Variants in MON1A observed in about 807,000 individuals in gnomAD.
MON1A encodes the protein vacuolar fusion protein MON1 homolog A.
MON1A carries 29 observed loss-of-function variants against 44.6 expected under a neutral mutation model. The observed-to-expected ratio is 0.65, with a 90% CI of 0.48 to 0.89. MON1A has a LOEUF of 0.89. Among genes scored for constraint, MON1A ranks in the 40% least tolerant of loss-of-function variants. MON1A has a pLI of 0.00. For synonymous variants in MON1A, 275 were observed against 316.4 expected (o/e 0.87, Z 1.39); for missense variants, 615 against 759.6 (o/e 0.81, Z 2.24).
chr3:49,911,533 G>A lies in MON1A; in HGVS notation c.606C>T (p.Ile202=), dbSNP rs1433673184. ...CCTCTCCAGGTGGCTCACCTGCATG[G>A]ATGGAGCGGATGGCGTTCTTGTCTG... ...LEADKNAIRS[I]HADGYKVVFV... is the part of the protein sequence containing the mutation. Residue 202 remains isoleucine (I), a synonymous_variant, in exon 3 of 6, where the codon ATC becomes ATT. Transcript: ENST00000296473. The surrounding 1 kb of genome is among the most constrained non-coding windows in gnomAD (Gnocchi z 5.7). 6.2e-7 allele frequency: 1 copy of A among 1,608,610 alleles called. No homozygotes were observed. Among genetic ancestry groups the A allele is most frequent in the Non-Finnish European group, 8.5e-7 (1 of 1,176,506 alleles).
intron 1 of MON1A, among the ~76,000 whole-genome samples, chr3:49,926,119 C>G (rs1231240481): frequency 6.6e-6 from 1 of 152,208 alleles, no homozygotes; most frequent in Non-Finnish European, 1.5e-5. Flanking sequence ...ACTCCTTCCC[C>G]ATTACTTCTT....
At chr3:49,916,274 T>C (rs564981397) in intron 1 of MON1A, among the ~76,000 whole-genome samples, 1 of 152,314 alleles carries the variant, frequency 6.6e-6, no homozygotes, top group East Asian at 1.9e-4. Context: ...TCACCATCAG[T>C]AGCATTTGTG....
chr3:49,922,465 G>A (rs2083007875), intron 1 of MON1A, among the ~76,000 whole-genome samples: 2 of 146,510 alleles, frequency 1.4e-5, no homozygotes, highest in Middle Eastern at 3.5e-3. Context: ...CTGGGTGACA[G>A]AGCGAGACTC....
At position 49,909,944 on chromosome 3, in the gene MON1A, G is replaced by A. The variant is rs2082854149; in HGVS notation, c.1379+175C>T. On this transcript the variant is annotated intron_variant, in intron 4 of 5. Transcript: ENST00000296473. The surrounding 1 kb of genome is among the most constrained non-coding windows in gnomAD (Gnocchi z 4.0). ...AATAAAGTAGAGAGGGTATGCTCAT[G>A]GGGTGATGGAGAGTCTGGGTCTCTG... The A allele has an allele frequency of 4.3e-6, 3 of 695,224 alleles. No individual in the cohort carries two copies. The Admixed American group carries it at 7.6e-5, about 18-fold the overall frequency. 43.1% of individuals were successfully genotyped at this position (695,224 alleles called of 1,614,324 possible).
intron 1 of MON1A, among the ~76,000 whole-genome samples, chr3:49,922,780 C>T (rs551100901): frequency 1.3e-5 from 2 of 151,328 alleles, no homozygotes; most frequent in African/African-American, 4.9e-5. Flanking sequence ...CTCACCGCAA[C>T]AGTGCGATCT....
At chr3:49,912,281 A>C (rs1575471728) in intron 2 of MON1A, 1 of 377,432 alleles carries the variant, frequency 2.6e-6, no homozygotes, top group South Asian at 6.1e-5. Flanking sequence ...CTCCCACCCC[A>C]CTCCCTTGCC....
intron 2 of MON1A, chr3:49,912,333 C>G (rs1041556570): frequency 7.8e-6 from 2 of 256,890 alleles, no homozygotes; most frequent in Non-Finnish European, 1.5e-5. Flanking sequence ...CTCTCAGATA[C>G]TTTCAACACA....
chr3:49,918,302 A>C (rs1169521366), intron 1 of MON1A, among the ~76,000 whole-genome samples: 1 of 151,762 alleles, frequency 6.6e-6, no homozygotes, highest in Non-Finnish European at 1.5e-5. Context: ...ATGCCACTGC[A>C]CTCCAGCCTG....
In MON1A at chr3:49,910,827, CG is replaced by C. The variant is rs779713392; in HGVS notation, c.670del (p.Arg224ValfsTer21). On this transcript the variant is annotated frameshift_variant, in exon 4 of 6. Coordinates refer to ENST00000296473, the MANE Select transcript of MON1A (RefSeq NM_032355.4). LOFTEE classifies it high-confidence loss of function. The surrounding 1 kb of genome is among the most constrained non-coding windows in gnomAD (Gnocchi z 8.0). ...CAGCTCTTGTGCCGACTGCCGCGTA[CG>C]AGCCACCGCCACTAGCACCAGCGGG... ...RSPLVLVAVARTRQSAQELAQ... is the reference protein window; with the variant it reads ...RSPLVLVAVAXTRQSAQELAQ... 6.2e-7 allele frequency: 1 copy of C among 1,609,996 alleles called. No homozygotes were observed. The highest frequency in any genetic ancestry group is 8.5e-7 in the Non-Finnish European group (1 of 1,177,680).
intron 1 of MON1A, among the ~76,000 whole-genome samples, chr3:49,922,394 C>T (rs1164772519): frequency 6.6e-6 from 1 of 152,066 alleles, no homozygotes; most frequent in South Asian, 2.1e-4. Flanking sequence ...TGAGATCGCA[C>T]CACCGCACTC....
At chr3:49,929,301 G>A (rs2083074827) in intron 1 of MON1A, 1 of 463,596 alleles carries the variant, frequency 2.2e-6, no homozygotes, top group African/African-American at 2.0e-5. Context: ...TTTTTGAGAA[G>A]ACTCTACCGG....
Position 49,909,471 on chromosome 3 carries a change from C to T in MON1A, c.1380-71G>A, listed in dbSNP as rs1388497572. On this transcript the variant is annotated intron_variant, in intron 4 of 5. Transcript: ENST00000296473. This position sits in a 1 kb window ranked among gnomAD's most constrained non-coding sequence, Gnocchi z 4.0. Reference sequence around the variant, plus strand: ...ACTGTCTTCTCTAGAGATTTAGAAACACCTATTCCTATCCAGGAAGACTCT... The same window carrying T: ...ACTGTCTTCTCTAGAGATTTAGAAATACCTATTCCTATCCAGGAAGACTCT... 6.3e-6 allele frequency: 10 copies of T among 1,578,508 alleles called. No individual in the cohort carries two copies. The highest frequency in any genetic ancestry group is 2.7e-5 in the African/African-American group (2 of 73,884).
chr3:49,910,170 G>C lies in MON1A; in HGVS notation c.1328C>G (p.Pro443Arg). The C allele has an allele frequency of 6.2e-7, 1 of 1,611,670 alleles. No homozygotes were observed. The highest frequency in any genetic ancestry group is 8.5e-7 in the Non-Finnish European group (1 of 1,178,034). ...PYYSVAQVGI[P>R]DLRHFLYKSK... ...CTTATAGAGGAAGTGACGCAGGTCA[G>C]GGATGCCCACTTGGGCAACGCTGTA... Residue 443 changes from proline to arginine, a missense_variant, in exon 4 of 6, where the codon CCT (proline) becomes CGT (arginine). Transcript: ENST00000296473. This position sits in a 1 kb window ranked among gnomAD's most constrained non-coding sequence, Gnocchi z 8.0.
Position 49,910,836 on chromosome 3 carries a change from G to A in MON1A, c.662C>T (p.Ala221Val), listed in dbSNP as rs992462093. 15 of 1,613,320 alleles carry A rather than the reference G, an allele frequency of 9.3e-6. No homozygotes were observed. The highest frequency in any genetic ancestry group is 1.3e-5 in the African/African-American group (1 of 74,916). ...TGCCGACTGCCGCGTACGAGCCACCGCCACTAGCACCAGCGGGCTCCGGCG... is the reference window on the plus strand; with the variant it reads ...TGCCGACTGCCGCGTACGAGCCACCACCACTAGCACCAGCGGGCTCCGGCG... ...FVRRSPLVLVAVARTRQSAQE... is the reference protein window; with the variant it reads ...FVRRSPLVLVVVARTRQSAQE... Residue 221 changes from alanine (A) to valine (V), a missense_variant, in exon 4 of 6, where the codon GCG becomes GTG. Coordinates refer to ENST00000296473, the MANE Select transcript of MON1A (RefSeq NM_032355.4). This position sits in a 1 kb window ranked among gnomAD's most constrained non-coding sequence, Gnocchi z 8.0.
At chr3:49,919,441 A>G (rs2082976790) in intron 1 of MON1A, among the ~76,000 whole-genome samples, 2 of 152,150 alleles carry the variant, frequency 1.3e-5, no homozygotes, top group Admixed American at 6.5e-5. Context: ...TATTCTGTGT[A>G]AAAAATGGAT....
At position 49,911,031 on chromosome 3, in the gene MON1A, A is replaced by C. The variant is rs2108530223; in HGVS notation, c.614-147T>G. 1.2e-6 allele frequency: 1 copy of C among 801,042 alleles called. No individual in the cohort carries two copies. The allele number at this position is 801,042 out of a possible 1,614,324, so 49.6% of individuals were successfully genotyped here. A position where few individuals can be genotyped will look rare whatever the true frequency, so the allele number is the denominator to read the frequency against. On this transcript the variant is annotated intron_variant, in intron 3 of 5. Transcript: ENST00000296473. This position sits in a 1 kb window ranked among gnomAD's most constrained non-coding sequence, Gnocchi z 5.7. ...GGGTTTAAGGATGTTCAGGATAAAA[A>C]CCCATTGCTCCTTCTCCCTGAGGGC...
In MON1A at chr3:49,910,893, G is replaced by A. The variant is rs925853841; in HGVS notation, c.614-9C>T. The A allele has an allele frequency of 5.1e-6, 8 of 1,581,964 alleles. No homozygotes were observed. Among genetic ancestry groups the A allele is most frequent in the African/African-American group, 2.7e-5 (2 of 74,054 alleles). The stretch of plus-strand genomic sequence containing the variant: ...TACTACCTTGTAGCCATCTGAGAGC[G>A]GGACAGGAAAGAAGGATGTCAGCCT... On this transcript the variant is annotated splice_polypyrimidine_tract_variant and intron_variant, in intron 3 of 5. Transcript: ENST00000296473. The surrounding 1 kb of genome is among the most constrained non-coding windows in gnomAD (Gnocchi z 8.0).
chr3:49,928,797 G>T (rs948641492), intron 1 of MON1A, among the ~76,000 whole-genome samples: 1 of 152,190 alleles, frequency 6.6e-6, no homozygotes, highest in African/African-American at 2.4e-5. Flanking sequence ...TCTGGTCCTT[G>T]TCACTTCTGG....
rs35576573 is a variant in MON1A, at chr3:49,909,790, G to A, written c.1379+329C>T. 557 of 349,560 alleles carry A rather than the reference G, an allele frequency of 1.6e-3. No homozygotes were observed. Among genetic ancestry groups the A allele is most frequent in the African/African-American group, 0.01 (492 of 48,720 alleles). 21.7% of individuals were successfully genotyped at this position (349,560 alleles called of 1,614,324 possible). On this transcript the variant is annotated intron_variant, in intron 4 of 5. Coordinates refer to ENST00000296473, the MANE Select transcript of MON1A (RefSeq NM_032355.4). This position sits in a 1 kb window ranked among gnomAD's most constrained non-coding sequence, Gnocchi z 4.0. Reference sequence around the variant, plus strand: ...CCCTCTGCTGGGGGAGGGGGTGGAGGAGGGCTGTGCTTCCTGAGCTGGACC... The same window carrying A: ...CCCTCTGCTGGGGGAGGGGGTGGAGAAGGGCTGTGCTTCCTGAGCTGGACC...
Sources: allele counts gnomAD v4.1 joint callset (sites outside exome capture counted in the v4.1 genomes callset), GRCh38; gene constraint gnomAD v4.1.1; non-coding constraint Gnocchi (gnomAD v3.1); transcripts MANE v1.5; gene names NCBI Gene and HGNC (gene_info 2026-07-23, HGNC 2026-07-21).